The following DCC variants were observed in gnomAD, a reference collection of about 807,000 sequenced individuals.
DCC encodes DCC netrin 1 receptor, also known as netrin receptor DCC.
Under a neutral mutation model 172.5 loss-of-function variants are expected in DCC, and 58 were observed. That is an observed-to-expected ratio of 0.34 (90% confidence interval 0.27 to 0.42). The LOEUF (loss-of-function observed/expected upper bound fraction) is 0.42, where lower values mean the gene tolerates loss of function less well. DCC is among the 10% of genes least tolerant of loss of function. The pLI, the probability that DCC is intolerant of heterozygous loss-of-function variation, is 1.00. For missense variants in DCC, 1,740 were observed against 1,791.0 expected (o/e 0.97, Z 0.51); for synonymous variants, 709 against 644.5 (o/e 1.10, Z -1.52).
chr18:53,095,886 C>T (rs1187250768), intron 7 of DCC, among the ~76,000 whole-genome samples: 2 of 146,440 alleles, frequency 1.4e-5, no homozygotes, highest in Admixed American at 7.0e-5. Context: ...AGTAGGCAGT[C>T]GGTAACTATT....
At chr18:53,505,420 G>GAGCAT (rs1356730307) in intron 27 of DCC, 2 of 152,202 alleles carry the variant, frequency 1.3e-5, no homozygotes, top group Non-Finnish European at 2.9e-5. Context: ...TGGAGAGTGT[G>GAGCAT]AGCATAGGTC....
chr18:52,436,113 C>G (rs969699182), intron 1 of DCC, among the ~76,000 whole-genome samples: 1 of 152,212 alleles, frequency 6.6e-6, no homozygotes, highest in Non-Finnish European at 1.5e-5. Flanking sequence ...CTTACCCACT[C>G]AGAGGGCTAG....
chr18:52,552,414 T>C (rs2032801033), intron 1 of DCC, among the ~76,000 whole-genome samples: 1 of 152,030 alleles, frequency 6.6e-6, no homozygotes, highest in Non-Finnish European at 1.5e-5. Context: ...AAGGGAAGGT[T>C]GAATAGGTTG....
chr18:53,036,761 T>A (rs117718030), intron 5 of DCC, among the ~76,000 whole-genome samples: 3,906 of 152,046 alleles, frequency 0.026, 81 homozygotes, highest in Non-Finnish European at 0.035. Context: ...AAAGCAGAAA[T>A]TGAAATGGAA....
intron 5 of DCC, among the ~76,000 whole-genome samples, chr18:53,053,237 C>T (rs1048835286): frequency 3.3e-5 from 5 of 152,030 alleles, no homozygotes; most frequent in Admixed American, 6.6e-5. Context: ...CATTGATGTT[C>T]GGCGGTGTTA....
At chr18:52,644,001 A>G (rs1482573325) in intron 1 of DCC, among the ~76,000 whole-genome samples, 4 of 151,572 alleles carry the variant, frequency 2.6e-5, no homozygotes, top group African/African-American at 9.7e-5. Context: ...TTTTTTGATC[A>G]TATCAGAGGA....
chr18:53,047,786 A>G (rs570763011), intron 5 of DCC, among the ~76,000 whole-genome samples: 303 of 151,744 alleles, frequency 2.0e-3, no homozygotes, highest in Non-Finnish European at 3.6e-3. Context: ...ACCTTGGGCA[A>G]TGTACTTAAC....
At chr18:53,119,507 A>G (rs1469815516) in intron 7 of DCC, among the ~76,000 whole-genome samples, 2 of 151,866 alleles carry the variant, frequency 1.3e-5, no homozygotes, top group Non-Finnish European at 2.9e-5. Context: ...TCTTGTAGAA[A>G]TTAGAAACCT....
intron 12 of DCC, among the ~76,000 whole-genome samples, chr18:53,295,156 A>G (rs545037534): frequency 1.3e-5 from 2 of 152,156 alleles, no homozygotes; most frequent in Non-Finnish European, 2.9e-5. Context: ...CTGGAAATGT[A>G]TCATACTGAT....
chr18:52,786,046 C>T (rs2037651429), intron 2 of DCC, among the ~76,000 whole-genome samples: 1 of 151,988 alleles, frequency 6.6e-6, no homozygotes. Flanking sequence ...TGTTTATAGC[C>T]CTACTGCAAA....
chr18:52,494,586 A>C (rs1358248835), intron 1 of DCC, among the ~76,000 whole-genome samples: 1 of 151,850 alleles, frequency 6.6e-6, no homozygotes, highest in South Asian at 2.1e-4. Flanking sequence ...GTTTTATGCA[A>C]TGTCTAATTG....
chr18:53,149,453 T>TAGGGAGC (rs1296727791), intron 7 of DCC, among the ~76,000 whole-genome samples: 14 of 152,082 alleles, frequency 9.2e-5, no homozygotes, highest in African/African-American at 3.4e-4. Flanking sequence ...GAGTTTGGAG[T>TAGGGAGC]AGGGAGCAAG....
chr18:52,591,856 C>T (rs992693341), intron 1 of DCC, among the ~76,000 whole-genome samples: 1 of 149,212 alleles, frequency 6.7e-6, no homozygotes, highest in Non-Finnish European at 1.5e-5. Context: ...AACTTCTGGC[C>T]TCAAGCAGTA....
intron 17 of DCC, among the ~76,000 whole-genome samples, chr18:53,395,028 T>G (rs535616315): frequency 1.3e-5 from 2 of 151,636 alleles, no homozygotes; most frequent in Non-Finnish European, 2.9e-5. Flanking sequence ...GGGGCGCCTG[T>G]AATCCCAGCT....
At chr18:52,834,743 A>T (rs2038674223) in intron 2 of DCC, among the ~76,000 whole-genome samples, 1 of 152,126 alleles carries the variant, frequency 6.6e-6, no homozygotes, top group African/African-American at 2.4e-5. Context: ...TCTTAGTGAC[A>T]CCATTTTTTT....
intron 19 of DCC, among the ~76,000 whole-genome samples, chr18:53,409,706 T>C (rs905133404): frequency 1.3e-5 from 2 of 152,154 alleles, no homozygotes; most frequent in Non-Finnish European, 2.9e-5. Flanking sequence ...TCAAGTAACA[T>C]ATCCCCTAAC....
chr18:52,800,184 A>T (rs977860876), intron 2 of DCC, among the ~76,000 whole-genome samples: 1 of 152,224 alleles, frequency 6.6e-6, no homozygotes, highest in Non-Finnish European at 1.5e-5. Flanking sequence ...GTCCTACTCA[A>T]TAAGTACCTT....
At chr18:53,136,537 A>G (rs1363952187) in intron 7 of DCC, among the ~76,000 whole-genome samples, 3 of 152,216 alleles carry the variant, frequency 2.0e-5, no homozygotes, top group Admixed American at 1.3e-4. Context: ...GTATAAGTCT[A>G]CTTATATAAA....
chr18:53,111,631 G>C (rs1467696141), intron 7 of DCC, among the ~76,000 whole-genome samples: 1 of 151,278 alleles, frequency 6.6e-6, no homozygotes, highest in Non-Finnish European at 1.5e-5. Flanking sequence ...CTTTAAAAGA[G>C]GAAGAAAAAA....
Sources: gnomAD v4.1 joint callset for allele counts (sites outside exome capture counted in the v4.1 genomes callset) on GRCh38, gnomAD v4.1.1 for gene constraint, MANE v1.5 for transcripts, NCBI Gene and HGNC (gene_info 2026-07-23, HGNC 2026-07-21) for gene names.